The following COL28A1 variants were observed in gnomAD, a reference collection of about 807,000 sequenced individuals.
COL28A1 encodes the protein collagen alpha-1(XXVIII) chain.
COL28A1 carries 161 observed loss-of-function variants against 150.2 expected under a neutral mutation model. The observed-to-expected ratio is 1.07, with a 90% CI of 0.94 to 1.22. The LOEUF (loss-of-function observed/expected upper bound fraction) is 1.22, where lower values mean the gene tolerates loss of function less well. COL28A1 is among the 50% of genes most tolerant of loss of function. The probability of loss-of-function intolerance (pLI) is 0.00; values close to 1 mark genes in which losing one functional copy is unlikely to be tolerated. For synonymous variants in COL28A1, 552 were observed against 469.7 expected, an observed-to-expected ratio of 1.18 and a Z score of -2.26; for missense variants, 1,617 against 1,388.3, an observed-to-expected ratio of 1.16 and a Z score of -2.62.
intron 13 of COL28A1, among the ~76,000 whole-genome samples, chr7:7,486,591 A>C (rs1444457679): frequency 6.6e-6 from 1 of 152,106 alleles, no homozygotes; most frequent in African/African-American, 2.4e-5. Context: ...AAATTGAGGA[A>C]GTTCCTCCTC....
At chr7:7,535,892 G>A (rs1193807278), upstream of COL28A1, 3 of 152,174 alleles carry the variant, frequency 2.0e-5, no homozygotes, top group African/African-American at 4.8e-5. Flanking sequence ...ATCTTTTGCA[G>A]TCTTTTGTTC....
At position 7,529,241 on chromosome 7, in the gene COL28A1, A is replaced by T. The variant is rs969842766; in HGVS notation, c.681+2107T>A. Among the ~76,000 whole-genome samples, 3 of 148,350 alleles carry T rather than the reference A, an allele frequency of 2.0e-5. No individual in the cohort carries two copies. The Admixed American group carries it at 2.1e-4, about 10-fold the overall frequency. ...GAGGCAGAGTTTGCAGTGAACCAAG[A>T]TCGTGCCACTGCACTCCAGCCTGGG... On this transcript the variant is annotated intron_variant, in intron 3 of 34. Coordinates refer to ENST00000399429, the MANE Select transcript of COL28A1 (RefSeq NM_001037763.3).
intron 27 of COL28A1, among the ~76,000 whole-genome samples, chr7:7,411,584 T>A (rs1030088705): frequency 2.6e-5 from 4 of 152,110 alleles, no homozygotes; most frequent in African/African-American, 9.7e-5. Flanking sequence ...CTCCCCAGCC[T>A]TTGAATCATG....
At chr7:7,351,610 G>A (rs1346272474), downstream of COL28A1, among the ~76,000 whole-genome samples, 1 of 152,032 alleles carries the variant, frequency 6.6e-6, no homozygotes, top group Admixed American at 6.6e-5. Context: ...CTAATTTTTG[G>A]AGTCTGATGT....
chr7:7,414,022 G>T (rs555616721), intron 27 of COL28A1, among the ~76,000 whole-genome samples: 1 of 152,118 alleles, frequency 6.6e-6, no homozygotes, highest in Non-Finnish European at 1.5e-5. Flanking sequence ...ACACTGGAAC[G>T]GACTTAAACA....
intron 11 of COL28A1, among the ~76,000 whole-genome samples, chr7:7,499,600 A>G (rs899890900): frequency 2.0e-5 from 3 of 152,214 alleles, no homozygotes; most frequent in African/African-American, 4.8e-5. Flanking sequence ...GTTACAAATC[A>G]TGACTTTTTA....
chr7:7,419,890 G>T lies in COL28A1; in HGVS notation c.2062C>A (p.Pro688Thr). Residue 688 changes from proline to threonine, a missense_variant, in exon 26 of 35, where the codon CCA becomes ACA. Coordinates refer to ENST00000399429, the MANE Select transcript of COL28A1 (RefSeq NM_001037763.3). ...SGPRGVGTQG[P>T]KGDTGQKGLP... ...GCACTGAGCTGAGGACTCACCTTTGGCCCTTGGGTTCCTACGCCCCGAGGC... is the reference window on the plus strand; with the variant it reads ...GCACTGAGCTGAGGACTCACCTTTGTCCCTTGGGTTCCTACGCCCCGAGGC... 1 of 1,596,726 alleles carries T rather than the reference G, an allele frequency of 6.3e-7. No homozygotes were observed. The highest frequency in any genetic ancestry group is 1.1e-5 in the South Asian group (1 of 87,998).
rs1449851993 is a variant in COL28A1, at chr7:7,373,990, C to T, written c.2360-444G>A. ...CTGGGATTACAGGCGTGAGCCACCG[C>T]GCCCGGCCCCTTCTGGTTTCTATAC... On this transcript the variant is annotated intron_variant, in intron 31 of 34. Coordinates refer to ENST00000399429, the MANE Select transcript of COL28A1 (RefSeq NM_001037763.3). The surrounding 1 kb of genome is among the most constrained non-coding windows in gnomAD (Gnocchi z 4.1). Among the ~76,000 whole-genome samples, 9 of 144,550 alleles carry T rather than the reference C, an allele frequency of 6.2e-5. No individual in the cohort carries two copies. The highest frequency in any genetic ancestry group is 2.2e-4 in the South Asian group (1 of 4,640). The allele number at this position is 144,550 out of a possible 152,430, so 94.8% of individuals were successfully genotyped here.
At chr7:7,479,530 T>C (rs569549136) in intron 13 of COL28A1, among the ~76,000 whole-genome samples, 2 of 152,248 alleles carry the variant, frequency 1.3e-5, no homozygotes, top group Admixed American at 1.3e-4. Flanking sequence ...AAGCATTAAG[T>C]GCTGTTTACA....
At chr7:7,505,963 C>T (rs372654440) in intron 11 of COL28A1, 51 bp downstream of exon 11, 29 of 877,254 alleles carry the variant, frequency 3.3e-5, no homozygotes, top group South Asian at 4.0e-5. Context: ...ATTACTATAG[C>T]GCACTAGGGG....
rs1379127669 is a variant in COL28A1, at chr7:7,436,412, A to G, written c.1843T>C (p.Ser615Pro). Residue 615 changes from serine (S) to proline (P), a missense_variant, in exon 23 of 35, where the codon TCT becomes CCT. By Grantham distance (74) the Ser-to-Pro change is moderately conservative. Transcript: ENST00000399429. ...AAGCATACCTTTGGTCCTCGAATAG[A>G]AAGTCCAGGTTCTCCCTTAAATCCA... ...IPGFKGEPGL[S>P]IRGPKGVQGP... The G allele has an allele frequency of 1.2e-5, 17 of 1,408,474 alleles. No individual in the cohort carries two copies. The highest frequency in any genetic ancestry group is 1.6e-5 in the Non-Finnish European group (16 of 992,060). The allele number at this position is 1,408,474 out of a possible 1,614,324, so 87.2% of individuals were successfully genotyped here.
In COL28A1 at chr7:7,531,643, T is replaced by C. The variant is rs561665590; in HGVS notation, c.386A>G (p.Gln129Arg). Residue 129 changes from glutamine to arginine, a missense_variant, in exon 3 of 35, where the codon CAA becomes CGA. Physicochemically the swap from Gln to Arg is conservative, Grantham distance 43. Transcript: ENST00000399429. ...AATGGCATAATAAGAGAAGGTACCTTGCCCTATTAAATTCATAGACTTGAC... is the reference window on the plus strand; with the variant it reads ...AATGGCATAATAAGAGAAGGTACCTCGCCCTATTAAATTCATAGACTTGAC... The part of the protein sequence containing the change: ...QKVKSMNLIG[Q>R]GTFSYYAISN... 1.2e-6 allele frequency: 2 copies of C among 1,602,634 alleles called. No individual in the cohort carries two copies. Among genetic ancestry groups the C allele is most frequent in the East Asian group, 2.2e-5 (1 of 44,836 alleles).
intron 15 of COL28A1, 86 bp downstream of exon 15, chr7:7,474,515 T>G: frequency 1.5e-6 from 1 of 685,806 alleles, no homozygotes. Flanking sequence ...ATGGTTGTCA[T>G]GTATACAGTT....
intron 9 of COL28A1, 24 bp from the exon 10 acceptor site, chr7:7,507,185 G>A: frequency 9.7e-7 from 1 of 1,026,862 alleles, no homozygotes; most frequent in Non-Finnish European, 1.5e-6. Context: ...TTGAAAATAA[G>A]TCTCTCTAAA....
chr7:7,380,729 G>T, intron 29 of COL28A1, 34 bp from the exon 30 acceptor site: 1 of 1,613,132 alleles, frequency 6.2e-7, no homozygotes, highest in South Asian at 1.1e-5. Context: ...AGTCAATATA[G>T]GTTGGAACCA....
chr7:7,388,593 A>G (rs1238312939), intron 27 of COL28A1, among the ~76,000 whole-genome samples: 2 of 143,212 alleles, frequency 1.4e-5, no homozygotes, highest in Non-Finnish European at 3.1e-5. Flanking sequence ...ACTGTCTTCC[A>G]CATGGTTGAA....
rs943192601 is a variant in COL28A1, at chr7:7,436,264, G to A, written c.1860+131C>T. The A allele has an allele frequency of 5.9e-6, 4 of 674,036 alleles. No homozygotes were observed. The Admixed American group carries it at 1.1e-4, about 18-fold the overall frequency. 41.8% of individuals were successfully genotyped at this position (674,036 alleles called of 1,614,324 possible). A position where few individuals can be genotyped will look rare whatever the true frequency, so the allele number is the denominator to read the frequency against. On this transcript the variant is annotated intron_variant, in intron 23 of 34. Coordinates refer to ENST00000399429, the MANE Select transcript of COL28A1 (RefSeq NM_001037763.3). Reference sequence around the variant, plus strand: ...GATTGCTTGTTTTTTTAAAAAAAGGGAATAGCTATATTCTTACATTTTAGT... The same window carrying A: ...GATTGCTTGTTTTTTTAAAAAAAGGAAATAGCTATATTCTTACATTTTAGT...
At chr7:7,380,520 C>A in intron 30 of COL28A1, 140 bp downstream of exon 30, 1 of 705,308 alleles carries the variant, frequency 1.4e-6, no homozygotes, top group Non-Finnish European at 2.4e-6. Context: ...TAAGCCAACA[C>A]TGGGCTGGTA....
At chr7:7,352,489 G>A (rs984837907), downstream of COL28A1, among the ~76,000 whole-genome samples, 4 of 152,192 alleles carry the variant, frequency 2.6e-5, no homozygotes, top group African/African-American at 7.2e-5. Flanking sequence ...CTAATCACAT[G>A]AGTCCTTAAA....
Sources: gnomAD v4.1 joint callset for allele counts (sites outside exome capture counted in the v4.1 genomes callset) on GRCh38, gnomAD v4.1.1 for gene constraint, Gnocchi (gnomAD v3.1) non-coding constraint, MANE v1.5 for transcripts, NCBI Gene and HGNC (gene_info 2026-07-23, HGNC 2026-07-21) for gene names.